Variants in RANBP10 observed in about 807,000 individuals in gnomAD.
RANBP10 encodes RAN binding protein 10.
In RANBP10, 24 loss-of-function variants were observed where a neutral mutation model predicts 72.8. The ratio of observed to expected loss-of-function variants is 0.33; its 90% CI spans 0.24 to 0.46. The LOEUF (loss-of-function observed/expected upper bound fraction) is 0.46, where lower values mean the gene tolerates loss of function less well. RANBP10 is among the 20% of genes least tolerant of loss of function. RANBP10 has a pLI of 1.00. For missense variants in RANBP10, 679 were observed against 817.5 expected, an observed-to-expected ratio of 0.83 and a Z score of 2.07; for synonymous variants, 310 against 322.3, an observed-to-expected ratio of 0.96 and a Z score of 0.41.
chr16:67,805,608 C>T lies in RANBP10; in HGVS notation c.236-69G>A, dbSNP rs551115771. On this transcript the variant is annotated intron_variant, in intron 1 of 13. Transcript: ENST00000317506. ...CAAATGGAAGCCTCATTTTTCTCTGCAACTCCTCCATGACAACTCCACTCC... is the reference window on the plus strand; with the variant it reads ...CAAATGGAAGCCTCATTTTTCTCTGTAACTCCTCCATGACAACTCCACTCC... 5 of 1,289,528 alleles carry T rather than the reference C, an allele frequency of 3.9e-6. No individual in the cohort carries two copies. In the South Asian group the frequency reaches 5.1e-5, roughly 13 times the overall value. The allele number at this position is 1,289,528 out of a possible 1,614,324, so 79.9% of individuals were successfully genotyped here.
chr16:67,765,995 G>A (rs2143011119), intron 3 of RANBP10, among the ~76,000 whole-genome samples: 1 of 152,242 alleles, frequency 6.6e-6, no homozygotes, highest in East Asian at 1.9e-4. Flanking sequence ...GGGAGACAGA[G>A]TAAGACCCTG....
chr16:67,758,493 C>T (rs1464565773), intron 3 of RANBP10, among the ~76,000 whole-genome samples: 6 of 152,096 alleles, frequency 3.9e-5, no homozygotes, highest in Admixed American at 2.6e-4. Context: ...AACCCCTTCT[C>T]GAAAGGAGCT....
At chr16:67,771,963 C>A in intron 3 of RANBP10, 71 bp downstream of exon 3, 1 of 1,549,470 alleles carries the variant, frequency 6.5e-7, no homozygotes, top group African/African-American at 1.4e-5. Flanking sequence ...AGCCTCTCTG[C>A]TACCACCATG....
chr16:67,728,932 C>T (rs986269055), intron 10 of RANBP10, among the ~76,000 whole-genome samples: 2 of 152,264 alleles, frequency 1.3e-5, no homozygotes, highest in African/African-American at 4.8e-5. Flanking sequence ...GGCTTAGCTT[C>T]CCCTGCCTGC....
intron 3 of RANBP10, among the ~76,000 whole-genome samples, chr16:67,747,223 G>A (rs1224447609): frequency 1.3e-5 from 2 of 151,862 alleles, no homozygotes; most frequent in Non-Finnish European, 2.9e-5. Flanking sequence ...GCCTTTTAGT[G>A]TATATATAAT....
intron 2 of RANBP10, among the ~76,000 whole-genome samples, chr16:67,799,196 A>C (rs2055187885): frequency 6.6e-6 from 1 of 151,994 alleles, no homozygotes; most frequent in Non-Finnish European, 1.5e-5. Context: ...TCAGTCTCCT[A>C]AAGTACTGGG....
chr16:67,744,334 G>A lies in RANBP10; in HGVS notation c.522C>T (p.Asn174=), dbSNP rs150902552. Residue 174 remains asparagine, a synonymous_variant, in exon 4 of 14, where the codon AAC becomes AAT. Transcript: ENST00000317506. ...TGTAGAAGCAGGTGCCATTGATGAG[G>A]TTGACACAGCAGCCGATCACGTCTC... ...TTGDVIGCCV[N]LINGTCFYTK... is the part of the protein sequence containing the mutation. 952 of 1,614,196 alleles carry A rather than the reference G, an allele frequency of 5.9e-4. 1 individual carries two copies. The highest frequency in any genetic ancestry group is 9.3e-4 in the Admixed American group (56 of 60,012).
chr16:67,770,313 A>G (rs1236816527), intron 3 of RANBP10, among the ~76,000 whole-genome samples: 3 of 152,004 alleles, frequency 2.0e-5, no homozygotes, highest in African/African-American at 7.3e-5. Flanking sequence ...ACTGCCACAC[A>G]CGTTCTGATT....
intron 2 of RANBP10, among the ~76,000 whole-genome samples, chr16:67,775,379 T>C (rs2054685354): frequency 6.6e-6 from 1 of 152,080 alleles, no homozygotes; most frequent in Non-Finnish European, 1.5e-5. Flanking sequence ...AAGCCTTTCA[T>C]CTAAGATGCC....
intron 4 of RANBP10, chr16:67,738,444 G>GT (rs1233626146): frequency 2.5e-5 from 4 of 158,668 alleles, no homozygotes; most frequent in South Asian, 3.6e-4. Flanking sequence ...AGCTGGGAAG[G>GT]TTTTTTTGTT....
chr16:67,793,035 GACT>G (rs1471226296), intron 2 of RANBP10, among the ~76,000 whole-genome samples: 1 of 152,044 alleles, frequency 6.6e-6, no homozygotes, highest in Non-Finnish European at 1.5e-5. Flanking sequence ...ACCAAACCTT[GACT>G]TTCCAGAGCC....
chr16:67,805,349 T>C, intron 2 of RANBP10, 79 bp downstream of exon 2: 1 of 1,288,594 alleles, frequency 7.8e-7, no homozygotes, highest in East Asian at 2.4e-5. Context: ...CAGCAACAAG[T>C]GCCAGCCAAA....
intron 2 of RANBP10, among the ~76,000 whole-genome samples, chr16:67,802,702 A>C (rs1263398962): frequency 6.6e-6 from 1 of 152,224 alleles, no homozygotes; most frequent in Non-Finnish European, 1.5e-5. Context: ...TGTTTACCAC[A>C]TGTAAAATGC....
chr16:67,780,854 G>A (rs1291926615), intron 2 of RANBP10, among the ~76,000 whole-genome samples: 1 of 152,246 alleles, frequency 6.6e-6, no homozygotes, highest in Non-Finnish European at 1.5e-5. Flanking sequence ...AAATACTGGA[G>A]CCAAAGTGCT....
chr16:67,797,860 T>C (rs2055160668), intron 2 of RANBP10, among the ~76,000 whole-genome samples: 1 of 151,508 alleles, frequency 6.6e-6, no homozygotes, highest in South Asian at 2.1e-4. Context: ...CATGATGGCA[T>C]GCACCTGTAG....
intron 2 of RANBP10, among the ~76,000 whole-genome samples, chr16:67,799,172 G>A (rs1044330720): frequency 6.6e-6 from 1 of 152,022 alleles, no homozygotes; most frequent in African/African-American, 2.4e-5. Flanking sequence ...CTGAACTCAA[G>A]TGACCTGCCC....
chr16:67,745,067 T>A (rs549340749), intron 3 of RANBP10, among the ~76,000 whole-genome samples: 238 of 152,038 alleles, frequency 1.6e-3, no homozygotes, highest in African/African-American at 5.5e-3. Flanking sequence ...CCTGACCTCG[T>A]GATCCGCCCG....
intron 12 of RANBP10, 135 bp downstream of exon 12, chr16:67,727,616 C>T: frequency 1.4e-6 from 2 of 1,407,028 alleles, no homozygotes; most frequent in South Asian, 1.2e-5. Flanking sequence ...GTCCAGTGGG[C>T]CCAGATGCCC....
chr16:67,766,357 C>T (rs576539087), intron 3 of RANBP10, among the ~76,000 whole-genome samples: 109 of 152,282 alleles, frequency 7.2e-4, no homozygotes, highest in African/African-American at 2.6e-3. Flanking sequence ...CAATGAATAA[C>T]GGCAAGCTGA....
Sources: allele counts gnomAD v4.1 joint callset (sites outside exome capture counted in the v4.1 genomes callset), GRCh38; gene constraint gnomAD v4.1.1; transcripts MANE v1.5; gene names NCBI Gene and HGNC (gene_info 2026-07-23, HGNC 2026-07-21).